CDH20: variants seen among roughly 807,000 people sequenced by gnomAD.
The protein encoded by CDH20 is cadherin 20, also known as cadherin-20.
CDH20 carries 29 observed loss-of-function variants against 74.2 expected under a neutral mutation model. The observed-to-expected ratio is 0.39, with a 90% confidence interval of 0.29 to 0.53. The LOEUF (loss-of-function observed/expected upper bound fraction) is 0.53, where lower values mean the gene tolerates loss of function less well. Among genes scored for constraint, CDH20 ranks in the 20% least tolerant of loss-of-function variants. The pLI is 0.69. For synonymous variants in CDH20, 469 were observed against 405.4 expected (o/e 1.16, Z -1.88); for missense variants, 988 against 1,048.3 (o/e 0.94, Z 0.79).
chr18:61,496,876 C>T (rs1321916676), intron 2 of CDH20, among the ~76,000 whole-genome samples: 1 of 152,012 alleles, frequency 6.6e-6, no homozygotes, highest in Non-Finnish European at 1.5e-5. Flanking sequence ...TAAACATACA[C>T]CTATATGCAT....
intron 1 of CDH20, among the ~76,000 whole-genome samples, chr18:61,469,848 C>A (rs1221987004): frequency 2.6e-5 from 4 of 152,120 alleles, no homozygotes; most frequent in Admixed American, 6.5e-5. Flanking sequence ...CTACACCGAA[C>A]ACGGGGAGAG....
In CDH20 at chr18:61,490,717, A is replaced by T. The variant is rs1910930132; in HGVS notation, c.164A>T (p.Gln55Leu). The change falls in exon 2 of 12, where the codon CAG becomes CTG. Residue 55 changes from glutamine to leucine, a missense_variant. Gln to Leu is a moderately radical substitution (Grantham distance 113). Transcript: ENST00000262717. The stretch of plus-strand genomic sequence containing the variant: ...CTGTCAGACAAGCCACAGTCACATC[A>T]GCGGACCAAGAGGAGCTGGGTTTGG... The part of the protein sequence containing the change: ...ALLSDKPQSH[Q>L]RTKRSWVWNQ... 3.7e-6 allele frequency: 6 copies of T among 1,614,188 alleles called. No homozygotes were observed. Among genetic ancestry groups the T allele is most frequent in the Non-Finnish European group, 5.1e-6 (6 of 1,180,034 alleles).
chr18:61,374,735 T>C (rs1911157517), intron 1 of CDH20, among the ~76,000 whole-genome samples: 1 of 152,124 alleles, frequency 6.6e-6, no homozygotes, highest in African/African-American at 2.4e-5. Context: ...GAGCTAATTT[T>C]GTCCTTGCAG....
intron 6 of CDH20, among the ~76,000 whole-genome samples, chr18:61,516,424 T>C (rs1912006736): frequency 6.6e-6 from 1 of 152,174 alleles, no homozygotes; most frequent in African/African-American, 2.4e-5. Context: ...AGAAAAGCTA[T>C]AAAGGAAGTA....
intron 1 of CDH20, among the ~76,000 whole-genome samples, chr18:61,474,658 G>A (rs1343586672): frequency 6.6e-6 from 1 of 152,144 alleles, no homozygotes. Flanking sequence ...TCAACTCCAA[G>A]TTTTATTATA....
chr18:61,465,687 G>C (rs1909936424), intron 1 of CDH20, among the ~76,000 whole-genome samples: 1 of 151,878 alleles, frequency 6.6e-6, no homozygotes, highest in Non-Finnish European at 1.5e-5. Context: ...ACATTGAAAT[G>C]AAGCAAGAAG....
At chr18:61,442,370 G>GA (rs35527064) in intron 1 of CDH20, among the ~76,000 whole-genome samples, 129,668 of 142,276 alleles carry the variant, frequency 0.91, 59,382 homozygotes, top group Non-Finnish European at 0.97. Flanking sequence ...AAAAAGAAAA[G>GA]AAAAAAAAAA....
intron 10 of CDH20, 161 bp from the exon 11 acceptor site, chr18:61,549,817 C>A: frequency 1.4e-6 from 1 of 702,368 alleles, no homozygotes; most frequent in Non-Finnish European, 2.3e-6. Flanking sequence ...TTTCTGAATC[C>A]AAATGCTGAT....
intron 1 of CDH20, among the ~76,000 whole-genome samples, chr18:61,477,131 C>A (rs1337309460): frequency 2.0e-5 from 3 of 152,126 alleles, no homozygotes; most frequent in African/African-American, 7.2e-5. Context: ...GATTTTATTA[C>A]TATGATATAA....
chr18:61,459,177 A>G (rs1200560394), intron 1 of CDH20, among the ~76,000 whole-genome samples: 1 of 152,130 alleles, frequency 6.6e-6, no homozygotes, highest in African/African-American at 2.4e-5. Context: ...ATTTGCTATC[A>G]TTGTGGCTAT....
chr18:61,501,834 G>A (rs553143071), intron 4 of CDH20, among the ~76,000 whole-genome samples: 6 of 152,132 alleles, frequency 3.9e-5, no homozygotes, highest in African/African-American at 1.4e-4. Context: ...GGAGGAAGAG[G>A]GTAATGTGTC....
intron 1 of CDH20, among the ~76,000 whole-genome samples, chr18:61,418,553 C>CAAAAA (rs36009749): frequency 8.8e-5 from 6 of 68,548 alleles, no homozygotes; most frequent in Non-Finnish European, 1.3e-4. Context: ...GACTCTGTCT[C>CAAAAA]AAAAAAAAAA....
At chr18:61,345,814 C>T (rs1910098706) in intron 1 of CDH20, among the ~76,000 whole-genome samples, 1 of 152,120 alleles carries the variant, frequency 6.6e-6, no homozygotes, top group Admixed American at 6.5e-5. Context: ...TTCCATCCTC[C>T]ACGAGCCACC....
At chr18:61,494,360 A>C (rs1289550597) in intron 2 of CDH20, among the ~76,000 whole-genome samples, 4 of 152,156 alleles carry the variant, frequency 2.6e-5, no homozygotes, top group Admixed American at 6.5e-5. Context: ...GCACCCTTGC[A>C]TACTCACAAT....
chr18:61,422,446 A>C (rs1912914374), intron 1 of CDH20, among the ~76,000 whole-genome samples: 1 of 152,318 alleles, frequency 6.6e-6, no homozygotes, highest in South Asian at 2.1e-4. Context: ...ATAAATAAAT[A>C]AATAGCCACA....
rs34235466 is a variant in CDH20 at position 61,341,422 on chromosome 18, GCCC to G, written c.-153+7603_-153+7605del. On this transcript the variant is annotated intron_variant, in intron 1 of 11. Transcript: ENST00000262717. ...CCTGATTACACAATGACTGCCTTGA[GCCC>G]CCCCCCCGCCTAATGCCGTTCCATT... Among the ~76,000 whole-genome samples, 7 of 151,212 alleles carry G rather than the reference GCCC, an allele frequency of 4.6e-5. No individual in the cohort carries two copies. In the South Asian group the frequency reaches 6.3e-4, roughly 14 times the overall value.
chr18:61,510,483 G>A (rs1015057550), intron 6 of CDH20, among the ~76,000 whole-genome samples: 4 of 152,200 alleles, frequency 2.6e-5, no homozygotes, highest in East Asian at 3.8e-4. Context: ...ACATTAAAAT[G>A]TAACTCAAGT....
chr18:61,436,528 G>A lies in CDH20; in HGVS notation c.-152-53874G>A, dbSNP rs57433815. On this transcript the variant is annotated intron_variant, in intron 1 of 11. Transcript: ENST00000262717. The stretch of plus-strand genomic sequence containing the variant: ...AGTTCAGTTTTAGATACCTGGATTT[G>A]ACATGCCTGTGAAACATCTAGGAAG... Among the ~76,000 whole-genome samples the A allele has an allele frequency of 3.9e-3, 591 of 152,264 alleles. 1 individual carries two copies. The highest frequency in any genetic ancestry group is 0.014 in the African/African-American group (565 of 41,560).
intron 1 of CDH20, among the ~76,000 whole-genome samples, chr18:61,395,318 A>G (rs947736310): frequency 6.6e-6 from 1 of 152,244 alleles, no homozygotes; most frequent in Non-Finnish European, 1.5e-5. Flanking sequence ...AAATGAATGT[A>G]ACAATAATAT....
Sources: allele counts gnomAD v4.1 joint callset (sites outside exome capture counted in the v4.1 genomes callset), GRCh38; gene constraint gnomAD v4.1.1; transcripts MANE v1.5; gene names NCBI Gene and HGNC (gene_info 2026-07-23, HGNC 2026-07-21).